Variants in ADCK1 observed in about 807,000 individuals in gnomAD.
ADCK1 encodes the protein aarF domain-containing protein kinase 1.
Under a neutral mutation model 52.3 loss-of-function variants are expected in ADCK1, and 41 were observed. The ratio of observed to expected loss-of-function variants is 0.78; its 90% CI spans 0.61 to 1.02. The LOEUF (loss-of-function observed/expected upper bound fraction) is 1.02, where lower values mean the gene tolerates loss of function less well. Among genes scored for constraint, ADCK1 ranks in the 50% least tolerant of loss-of-function variants. The pLI is 0.00. For missense variants in ADCK1, 658 were observed against 679.5 expected (o/e 0.97, Z 0.35); for synonymous variants, 250 against 274.6 (o/e 0.91, Z 0.89).
intron 3 of ADCK1, among the ~76,000 whole-genome samples, chr14:77,845,729 T>C (rs2140101597): frequency 6.6e-6 from 1 of 152,200 alleles, no homozygotes; most frequent in African/African-American, 2.4e-5. Context: ...CTGGCCAAAA[T>C]GTTCCTTTTT....
chr14:77,825,624 G>C (rs894234034), intron 3 of ADCK1, among the ~76,000 whole-genome samples: 2 of 151,210 alleles, frequency 1.3e-5, no homozygotes, highest in Non-Finnish European at 2.9e-5. Context: ...GAACGAACGA[G>C]TGAATGAAAT....
chr14:77,924,361 C>T, intron 7 of ADCK1, 96 bp from the exon 8 acceptor site: 2 of 1,496,660 alleles, frequency 1.3e-6, no homozygotes, highest in Non-Finnish European at 1.8e-6. Flanking sequence ...TTTCTCTGGC[C>T]TCCCCTTAAA....
intron 3 of ADCK1, among the ~76,000 whole-genome samples, chr14:77,843,391 C>T (rs1253846783): frequency 6.6e-6 from 1 of 152,218 alleles, no homozygotes; most frequent in Non-Finnish European, 1.5e-5. Flanking sequence ...GATGCCCTCA[C>T]TCTTCTAGCC....
intron 1 of ADCK1, among the ~76,000 whole-genome samples, chr14:77,803,160 A>T (rs558642854): frequency 6.6e-6 from 1 of 152,132 alleles, no homozygotes; most frequent in Admixed American, 6.6e-5. Flanking sequence ...TGAAGACCCT[A>T]TCACTCTCTC....
At chr14:77,845,507 C>T (rs1325977251) in intron 3 of ADCK1, among the ~76,000 whole-genome samples, 1 of 152,136 alleles carries the variant, frequency 6.6e-6, no homozygotes, top group Non-Finnish European at 1.5e-5. Flanking sequence ...CTTGCAACCT[C>T]CATCTCCCGG....
intron 7 of ADCK1, chr14:77,908,241 G>A (rs1485920319): frequency 5.4e-6 from 1 of 185,462 alleles, no homozygotes; most frequent in East Asian, 1.5e-4. Flanking sequence ...AATCCTTTTG[G>A]CTCTGTGGGG....
At chr14:77,905,427 C>T (rs1318876125) in intron 6 of ADCK1, among the ~76,000 whole-genome samples, 2 of 148,924 alleles carry the variant, frequency 1.3e-5, no homozygotes, top group Admixed American at 1.4e-4. Flanking sequence ...TCTCTTTCCT[C>T]AGCCTCAGTG....
intron 7 of ADCK1, among the ~76,000 whole-genome samples, chr14:77,916,066 CAT>C (rs2083917986): frequency 6.6e-6 from 1 of 152,074 alleles, no homozygotes. Context: ...TGGGGGGAAA[CAT>C]GTAGGGAAGA....
In ADCK1 at chr14:77,924,549, G is replaced by A. The variant is rs2084141364; in HGVS notation, c.951G>A (p.Arg317=). 3 of 1,613,908 alleles carry A rather than the reference G, an allele frequency of 1.9e-6. No individual in the cohort carries two copies. The highest frequency in any genetic ancestry group is 1.7e-5 in the Admixed American group (1 of 60,016). The stretch of plus-strand genomic sequence containing the variant: ...CCCACCCCGGCAATGTACTGGTGCG[G>A]AAGCACCCCGGCACGGGAAAGGCGG... ...CDPHPGNVLV[R]KHPGTGKAEI... is the part of the protein sequence containing the mutation. Residue 317 remains arginine (R), a synonymous_variant, in exon 8 of 11, where the codon CGG becomes CGA. Coordinates refer to ENST00000238561, the MANE Select transcript of ADCK1 (RefSeq NM_020421.4).
At chr14:77,802,795 T>A (rs1002808936) in intron 1 of ADCK1, among the ~76,000 whole-genome samples, 2 of 151,728 alleles carry the variant, frequency 1.3e-5, no homozygotes, top group African/African-American at 2.4e-5. Flanking sequence ...CTAAAAAAAA[T>A]ACAAAAAAAT....
At chr14:77,901,993 A>G (rs910885773) in intron 6 of ADCK1, among the ~76,000 whole-genome samples, 2 of 152,172 alleles carry the variant, frequency 1.3e-5, no homozygotes, top group Admixed American at 1.3e-4. Flanking sequence ...TCTAGAGCCA[A>G]CAGTCAAGCT....
rs981639724 is a variant in ADCK1 at position 77,893,723 on chromosome 14, C to T, written c.583-5377C>T. On this transcript the variant is annotated intron_variant, in intron 5 of 10. Coordinates refer to ENST00000238561, the MANE Select transcript of ADCK1 (RefSeq NM_020421.4). ...CATTCTGTCTACCATCTTGTTTCTT[C>T]CCTTCCTTCCTTCCTTTTTTTTTTT... Among the ~76,000 whole-genome samples, 6 of 64,168 alleles carry T rather than the reference C, an allele frequency of 9.4e-5. No individual in the cohort carries two copies. The South Asian group carries it at 3.0e-3, about 32-fold the overall frequency. 42.1% of individuals were successfully genotyped at this position (64,168 alleles called of 152,430 possible).
chr14:77,807,564 T>C (rs140775991), intron 1 of ADCK1, among the ~76,000 whole-genome samples: 4,217 of 148,652 alleles, frequency 0.028, 192 homozygotes, highest in African/African-American at 0.097. Context: ...GGCTGGAGTG[T>C]GGTGGCATGA....
At chr14:77,881,847 G>A (rs1465828679) in intron 4 of ADCK1, among the ~76,000 whole-genome samples, 6 of 152,188 alleles carry the variant, frequency 3.9e-5, no homozygotes, top group Non-Finnish European at 8.8e-5. Context: ...TGTGCCACTT[G>A]CTGTTACCGT....
At chr14:77,840,983 A>G (rs1566655616) in intron 3 of ADCK1, among the ~76,000 whole-genome samples, 2 of 152,260 alleles carry the variant, frequency 1.3e-5, no homozygotes, top group East Asian at 1.9e-4. Context: ...TTCTTCTGCA[A>G]TCTTCATTCC....
At position 77,923,141 on chromosome 14, in the gene ADCK1, A is replaced by G. The variant is rs2084101511; in HGVS notation, c.859-1316A>G. ...ATAGATGGTCATTAATCAAATAATC[A>G]CACAAATAGTGAGCTAGTGCCCTGA... On this transcript the variant is annotated intron_variant, in intron 7 of 10. Transcript: ENST00000238561. This position sits in a 1 kb window ranked among gnomAD's most constrained non-coding sequence, Gnocchi z 4.3. The G allele has an allele frequency of 6.6e-6, 1 of 152,192 alleles. No homozygotes were observed. Among genetic ancestry groups the G allele is most frequent in the Non-Finnish European group, 1.5e-5 (1 of 68,040 alleles). 9.4% of individuals were successfully genotyped at this position (152,192 alleles called of 1,614,324 possible). A position where few individuals can be genotyped will look rare whatever the true frequency, so the allele number is the denominator to read the frequency against.
chr14:77,915,290 G>A (rs1287366662), intron 7 of ADCK1, among the ~76,000 whole-genome samples: 10 of 150,526 alleles, frequency 6.6e-5, no homozygotes, highest in Admixed American at 6.0e-4. Flanking sequence ...CCATTGACTC[G>A]TTATTTAACA....
intron 3 of ADCK1, among the ~76,000 whole-genome samples, chr14:77,839,539 G>A (rs748858365): frequency 2.0e-4 from 31 of 152,076 alleles, no homozygotes; most frequent in Non-Finnish European, 4.1e-4. Flanking sequence ...AACCCTCCCC[G>A]TGCCTGTGTC....
intron 1 of ADCK1, among the ~76,000 whole-genome samples, chr14:77,817,368 G>A (rs1044943585): frequency 5.3e-5 from 8 of 152,244 alleles, no homozygotes; most frequent in African/African-American, 1.7e-4. Context: ...GGTACAAGGC[G>A]TGCAAGGCTG....
Sources: gnomAD v4.1 joint callset for allele counts (sites outside exome capture counted in the v4.1 genomes callset) on GRCh38, gnomAD v4.1.1 for gene constraint, Gnocchi (gnomAD v3.1) non-coding constraint, MANE v1.5 for transcripts, NCBI Gene and HGNC (gene_info 2026-07-23, HGNC 2026-07-21) for gene names.